CCNY: variants seen among roughly 807,000 people sequenced by gnomAD.
CCNY encodes cyclin Y.
A neutral mutation model predicts 42.8 loss-of-function variants in CCNY; 19 were observed. That is an observed-to-expected ratio of 0.44 (90% CI 0.31 to 0.65). The LOEUF (loss-of-function observed/expected upper bound fraction) is 0.65, where lower values mean the gene tolerates loss of function less well. Ranked by LOEUF, CCNY falls within the 30% of genes least tolerant of loss-of-function variation. The probability of loss-of-function intolerance (pLI) is 0.07; values close to 1 mark genes in which losing one functional copy is unlikely to be tolerated. For synonymous variants in CCNY, 165 were observed against 162.7 expected (o/e 1.01, Z -0.11); for missense variants, 370 against 437.3 (o/e 0.85, Z 1.37).
intron 3 of CCNY, among the ~76,000 whole-genome samples, chr10:35,256,547 G>GAC (rs2095715616): frequency 1.3e-5 from 2 of 151,782 alleles, no homozygotes; most frequent in Non-Finnish European, 2.9e-5. Flanking sequence ...GCCTGGCCAG[G>GAC]ATGGTGAAAC....
At chr10:35,269,269 A>ACTTCCTTCCTTC (rs68028146) in intron 3 of CCNY, among the ~76,000 whole-genome samples, 58 of 149,556 alleles carry the variant, frequency 3.9e-4, no homozygotes, top group East Asian at 3.2e-3. Flanking sequence ...CAAATAATCT[A>ACTTCCTTCCTTC]CTTCCTTCCT....
intron 2 of CCNY, among the ~76,000 whole-genome samples, chr10:35,498,459 C>CT (rs1840045180): frequency 6.6e-6 from 1 of 152,196 alleles, no homozygotes; most frequent in African/African-American, 2.4e-5. Flanking sequence ...CTGCTTCACT[C>CT]TTTCCTGCAC....
chr10:35,411,986 G>T (rs1340388052), intron 1 of CCNY, among the ~76,000 whole-genome samples: 1 of 152,218 alleles, frequency 6.6e-6, no homozygotes, highest in Non-Finnish European at 1.5e-5. Flanking sequence ...GCAGGGCTGT[G>T]CTTGGTTCCA....
intron 9 of CCNY, among the ~76,000 whole-genome samples, chr10:35,568,531 C>A (rs1350746573): frequency 1.3e-5 from 2 of 152,206 alleles, no homozygotes; most frequent in African/African-American, 4.8e-5. Flanking sequence ...TTTCGGCAAC[C>A]CTCTAGAGGT....
At chr10:35,500,732 TC>T (rs1449589679) in intron 2 of CCNY, among the ~76,000 whole-genome samples, 1 of 152,244 alleles carries the variant, frequency 6.6e-6, no homozygotes, top group Non-Finnish European at 1.5e-5. Context: ...CTCTTCGTGT[TC>T]CCTGTGACTG....
intron 3 of CCNY, among the ~76,000 whole-genome samples, chr10:35,280,056 C>T (rs1835282141): frequency 6.6e-6 from 1 of 152,172 alleles, no homozygotes. Flanking sequence ...CAAAGATCTC[C>T]ACGTTTCATC....
intron 1 of CCNY, among the ~76,000 whole-genome samples, chr10:35,363,206 G>A (rs1271580593): frequency 6.7e-6 from 1 of 150,028 alleles, no homozygotes; most frequent in African/African-American, 2.5e-5. Flanking sequence ...GGGCAGAGGC[G>A]CTCCTCACTT....
chr10:35,534,717 AC>A (rs1840844449), intron 7 of CCNY, among the ~76,000 whole-genome samples: 1 of 151,568 alleles, frequency 6.6e-6, no homozygotes, highest in Non-Finnish European at 1.5e-5. Flanking sequence ...CCATAGAGAA[AC>A]CCCTTACCCT....
chr10:35,537,627 T>G (rs7908086), intron 7 of CCNY, among the ~76,000 whole-genome samples: 9,236 of 152,234 alleles, frequency 0.061, 847 homozygotes, highest in African/African-American at 0.2. Flanking sequence ...AAATTTGACT[T>G]CCCTGCTGGA....
intron 1 of CCNY, among the ~76,000 whole-genome samples, chr10:35,453,375 C>G (rs1241177292): frequency 1.3e-5 from 2 of 152,128 alleles, no homozygotes. Context: ...GGGAAATTTT[C>G]CGCTTATTCA....
At chr10:35,529,123 C>T (rs1044881319) in intron 5 of CCNY, among the ~76,000 whole-genome samples, 1 of 152,196 alleles carries the variant, frequency 6.6e-6, no homozygotes, top group African/African-American at 2.4e-5. Context: ...GTTCTGTGCA[C>T]GTACCAGCCT....
chr10:35,258,835 G>A (rs1439511687), intron 3 of CCNY, among the ~76,000 whole-genome samples: 2 of 151,992 alleles, frequency 1.3e-5, no homozygotes, highest in Non-Finnish European at 2.9e-5. Context: ...ACTTGGGGAG[G>A]CTGAGGCAGG....
chr10:35,510,542 G>T (rs538669236), intron 3 of CCNY, among the ~76,000 whole-genome samples: 2 of 152,000 alleles, frequency 1.3e-5, no homozygotes, highest in South Asian at 2.1e-4. Context: ...GCTTTTTTTT[G>T]ATCCTAACAA....
chr10:35,447,028 A>G (rs1351754002), intron 1 of CCNY, among the ~76,000 whole-genome samples: 1 of 152,174 alleles, frequency 6.6e-6, no homozygotes, highest in African/African-American at 2.4e-5. Flanking sequence ...CTGTAATCCC[A>G]GTACTTTGGG....
At chr10:35,444,935 A>G (rs903146750) in intron 1 of CCNY, among the ~76,000 whole-genome samples, 2 of 152,196 alleles carry the variant, frequency 1.3e-5, no homozygotes, top group Middle Eastern at 3.2e-3. Flanking sequence ...GGAGCTTCCA[A>G]ATAGATTTGG....
chr10:35,346,086 A>G (rs1417537915), intron 1 of CCNY, among the ~76,000 whole-genome samples: 2 of 152,192 alleles, frequency 1.3e-5, no homozygotes, highest in Non-Finnish European at 2.9e-5. Flanking sequence ...TAGGATTTTG[A>G]GGCATGCATA....
At chr10:35,559,024 G>A (rs1841413763) in intron 8 of CCNY, among the ~76,000 whole-genome samples, 1 of 152,210 alleles carries the variant, frequency 6.6e-6, no homozygotes, top group African/African-American at 2.4e-5. Flanking sequence ...ACCCAAGACT[G>A]CCTTGAAGGG....
chr10:35,483,085 C>G (rs1349313691), intron 1 of CCNY, among the ~76,000 whole-genome samples: 1 of 145,448 alleles, frequency 6.9e-6, no homozygotes, highest in African/African-American at 2.8e-5. Flanking sequence ...GCACATAACT[C>G]TCTTTAATCA....
chr10:35,414,975 G>T (rs1564402292), intron 1 of CCNY, among the ~76,000 whole-genome samples: 1 of 152,228 alleles, frequency 6.6e-6, no homozygotes, highest in Non-Finnish European at 1.5e-5. Context: ...ATAAAGAAGA[G>T]ACAAGGACCC....
Sources: allele counts gnomAD v4.1 joint callset (sites outside exome capture counted in the v4.1 genomes callset), GRCh38; gene constraint gnomAD v4.1.1; transcripts MANE v1.5; gene names NCBI Gene and HGNC (gene_info 2026-07-23, HGNC 2026-07-21).